Variants in TNKS observed in about 807,000 individuals in gnomAD.
TNKS encodes poly [ADP-ribose] polymerase tankyrase-1.
TNKS carries 72 observed loss-of-function variants against 135.8 expected under a neutral mutation model. The ratio of observed to expected loss-of-function variants is 0.53; its 90% confidence interval spans 0.44 to 0.64. TNKS has a LOEUF of 0.64. Among genes scored for constraint, TNKS ranks in the 30% least tolerant of loss-of-function variants. The pLI, the probability that TNKS is intolerant of heterozygous loss-of-function variation, is 0.00. For synonymous variants in TNKS, 849 were observed against 649.3 expected, an observed-to-expected ratio of 1.31 and a Z score of -4.68; for missense variants, 1,769 against 1,674.0, an observed-to-expected ratio of 1.06 and a Z score of -0.99.
chr8:9,705,133 C>A (rs1803987300), intron 6 of TNKS, among the ~76,000 whole-genome samples: 1 of 152,024 alleles, frequency 6.6e-6, no homozygotes, highest in Non-Finnish European at 1.5e-5. Context: ...TATTGATAAA[C>A]CAAAATCATA....
intron 23 of TNKS, among the ~76,000 whole-genome samples, chr8:9,765,041 ATACT>A (rs535448550): frequency 2.6e-5 from 4 of 152,202 alleles, no homozygotes; most frequent in Non-Finnish European, 4.4e-5. Flanking sequence ...TCTACTAGTG[ATACT>A]TACGTGGATA....
chr8:9,688,802 G>A (rs1803129341), intron 5 of TNKS, among the ~76,000 whole-genome samples: 1 of 152,150 alleles, frequency 6.6e-6, no homozygotes, highest in African/African-American at 2.4e-5. Flanking sequence ...ACCATACCCA[G>A]CTAATTTTTT....
chr8:9,694,691 G>C (rs1233004236), intron 5 of TNKS, among the ~76,000 whole-genome samples: 1 of 151,726 alleles, frequency 6.6e-6, no homozygotes, highest in Non-Finnish European at 1.5e-5. Context: ...GAACTTAGGA[G>C]GCGGAGGCTG....
At position 9,727,482 on chromosome 8, in the gene TNKS, G is replaced by GGGGCTGTATT. The variant is rs1805220860; in HGVS notation, c.2001+763_2001+764insGGCTGTATTG. 2.0e-5 allele frequency among the ~76,000 whole-genome samples: 3 copies of GGGGCTGTATT among 152,126 alleles called. No homozygotes were observed. The East Asian group carries it at 5.8e-4, about 29-fold the overall frequency. On this transcript the variant is annotated intron_variant, in intron 13 of 26. Transcript: ENST00000310430. ...AAGGTCTTGCTGTATTGCCCAGGCA[G>GGGGCTGTATT]GCCTCAAACTCCTGGGGCTCAAGCA... is the stretch of plus-strand genomic sequence containing the variant.
chr8:9,734,090 C>G (rs1805573421), intron 15 of TNKS, among the ~76,000 whole-genome samples: 1 of 151,918 alleles, frequency 6.6e-6, no homozygotes, highest in Non-Finnish European at 1.5e-5. Flanking sequence ...AAATTCTTCT[C>G]CCTTCACTTT....
chr8:9,561,609 A>T (rs749692438), intron 1 of TNKS, among the ~76,000 whole-genome samples: 3 of 152,140 alleles, frequency 2.0e-5, no homozygotes, highest in Non-Finnish European at 4.4e-5. Flanking sequence ...CAATTGATAG[A>T]CCCTTAAGCT....
intron 2 of TNKS, chr8:9,615,367 CAT>C: frequency 2.6e-6 from 1 of 390,686 alleles, no homozygotes; most frequent in Non-Finnish European, 4.6e-6. Flanking sequence ...GATGTTAAGT[CAT>C]GTGATAATAT....
rs1012785245 is a variant in TNKS, at chr8:9,779,066, G to C, written c.*2330G>C. The C allele has an allele frequency of 1.3e-5, 2 of 152,456 alleles. No individual in the cohort carries two copies. Among genetic ancestry groups the C allele is most frequent in the Non-Finnish European group, 2.9e-5 (2 of 68,044 alleles). The allele number at this position is 152,456 out of a possible 1,614,324, so 9.4% of individuals were successfully genotyped here. ...AAGGTACTGTGTAAGGAAGACATTT[G>C]CGGTGCTTCTTGTCCTATAATGATT... is the stretch of plus-strand genomic sequence containing the variant. On this transcript the variant is annotated 3_prime_UTR_variant, in exon 27 of 27. Transcript: ENST00000310430.
intron 2 of TNKS, 95 bp downstream of exon 2, chr8:9,580,478 G>A (rs1054939162): frequency 9.1e-7 from 1 of 1,096,158 alleles, no homozygotes; most frequent in South Asian, 1.6e-5. Flanking sequence ...AGGTAAGGAA[G>A]GGTTTATTGC....
intron 5 of TNKS, among the ~76,000 whole-genome samples, chr8:9,688,947 G>GT (rs57395942): frequency 0.088 from 13,343 of 152,050 alleles, 653 homozygotes; most frequent in South Asian, 0.16. Context: ...GGCCCAGCAA[G>GT]TTTTTTCATG....
chr8:9,617,482 A>T (rs1452760060), intron 3 of TNKS, among the ~76,000 whole-genome samples: 1 of 152,256 alleles, frequency 6.6e-6, no homozygotes, highest in Non-Finnish European at 1.5e-5. Flanking sequence ...GTGATTTAAA[A>T]GGAAAAGTCT....
chr8:9,614,111 A>G (rs1396828375), intron 2 of TNKS, among the ~76,000 whole-genome samples: 1 of 152,124 alleles, frequency 6.6e-6, no homozygotes, highest in Non-Finnish European at 1.5e-5. Context: ...TATGATAAAG[A>G]CCTTTTATAA....
intron 24 of TNKS, 70 bp downstream of exon 24, chr8:9,765,867 A>G: frequency 7.8e-7 from 1 of 1,275,184 alleles, no homozygotes; most frequent in Non-Finnish European, 1.1e-6. Flanking sequence ...GGAAAAACCT[A>G]CGTTAAATTG....
At position 9,624,252 on chromosome 8, in the gene TNKS, T is replaced by A. The variant is rs751439373; in HGVS notation, c.994+8575T>A. 4.9e-4 allele frequency among the ~76,000 whole-genome samples: 74 copies of A among 152,320 alleles called. 1 individual carries two copies. Among genetic ancestry groups the A allele is most frequent in the Non-Finnish European group, 1.0e-3 (68 of 68,026 alleles). On this transcript the variant is annotated intron_variant, in intron 3 of 26. Transcript: ENST00000310430. ...AACTCTGTAACATTTGTATTGCAAT[T>A]TGGATTAGAACTTCAGCTACAACCA...
At chr8:9,634,720 G>A (rs1270505753) in intron 3 of TNKS, among the ~76,000 whole-genome samples, 2 of 152,126 alleles carry the variant, frequency 1.3e-5, no homozygotes, top group African/African-American at 4.8e-5. Context: ...AGACCTAGAA[G>A]CAGTGAGACC....
intron 16 of TNKS, 100 bp from the exon 17 acceptor site, chr8:9,735,277 A>C: frequency 1.6e-6 from 2 of 1,226,146 alleles, no homozygotes; most frequent in Non-Finnish European, 2.3e-6. Context: ...TTGAAGCAAA[A>C]AGTATTAAAA....
chr8:9,571,987 G>T (rs1349956093), intron 1 of TNKS, among the ~76,000 whole-genome samples: 1 of 152,046 alleles, frequency 6.6e-6, no homozygotes, highest in East Asian at 1.9e-4. Flanking sequence ...CCCAGACTTG[G>T]TTAAGTTTTC....
At position 9,770,084 on chromosome 8, in the gene TNKS, T is replaced by C. The variant is rs774106669; in HGVS notation, c.3741-22T>C. Reference sequence around the variant, plus strand: ...AAGATTTAAAGCTTCCTTCAAAGCATTGTTTTTTTCTTTTTCCTTAGACAA... The same window carrying C: ...AAGATTTAAAGCTTCCTTCAAAGCACTGTTTTTTTCTTTTTCCTTAGACAA... On this transcript the variant is annotated intron_variant, in intron 25 of 26. Coordinates refer to ENST00000310430, the MANE Select transcript of TNKS (RefSeq NM_003747.3). 29 of 1,579,476 alleles carry C rather than the reference T, an allele frequency of 1.8e-5. 1 individual carries two copies. In the South Asian group the frequency reaches 2.9e-4, roughly 16 times the overall value.
chr8:9,572,288 A>G (rs1797783459), intron 1 of TNKS, among the ~76,000 whole-genome samples: 2 of 152,192 alleles, frequency 1.3e-5, no homozygotes, highest in Non-Finnish European at 2.9e-5. Flanking sequence ...ACTTCAGTCA[A>G]CTGATTCTTT....
Sources: allele counts gnomAD v4.1 joint callset (sites outside exome capture counted in the v4.1 genomes callset), GRCh38; gene constraint gnomAD v4.1.1; transcripts MANE v1.5; gene names NCBI Gene and HGNC (gene_info 2026-07-23, HGNC 2026-07-21).